MAP3K5: variants seen among roughly 807,000 people sequenced by gnomAD.
MAP3K5 encodes ASK-1.
Under a neutral mutation model 158.7 loss-of-function variants are expected in MAP3K5, and 56 were observed. The observed-to-expected ratio is 0.35, with a 90% CI of 0.28 to 0.44. The LOEUF is 0.44. Ranked by LOEUF, MAP3K5 falls within the 20% of genes least tolerant of loss-of-function variation. The pLI is 1.00. For synonymous variants in MAP3K5, 579 were observed against 601.7 expected (o/e 0.96, Z 0.55); for missense variants, 1,294 against 1,674.8 (o/e 0.77, Z 3.97).
intron 18 of MAP3K5, among the ~76,000 whole-genome samples, chr6:136,607,287 T>G (rs1248108643): frequency 8.5e-5 from 13 of 152,202 alleles, no homozygotes; most frequent in Admixed American, 8.5e-4. Context: ...GATCAAAATT[T>G]GGAAATTTTT....
chr6:136,654,127 T>TGTC (rs1237070652), intron 10 of MAP3K5, among the ~76,000 whole-genome samples: 1 of 152,256 alleles, frequency 6.6e-6, no homozygotes, highest in Non-Finnish European at 1.5e-5. Context: ...GTTAACATGC[T>TGTC]GTCATATTTG....
chr6:136,594,211 C>CATGG (rs1301406772), intron 21 of MAP3K5, among the ~76,000 whole-genome samples: 1 of 152,198 alleles, frequency 6.6e-6, no homozygotes, highest in Non-Finnish European at 1.5e-5. Flanking sequence ...TGGAGCAGCT[C>CATGG]ATGGGCCTAG....
intron 7 of MAP3K5, among the ~76,000 whole-genome samples, chr6:136,671,394 C>G (rs750123828): frequency 6.6e-6 from 1 of 152,130 alleles, no homozygotes; most frequent in Non-Finnish European, 1.5e-5. Flanking sequence ...TTCTTGAGCT[C>G]CCCTCAATCC....
At chr6:136,678,567 T>C (rs1440250762) in intron 7 of MAP3K5, among the ~76,000 whole-genome samples, 1 of 152,132 alleles carries the variant, frequency 6.6e-6, no homozygotes, top group Non-Finnish European at 1.5e-5. Context: ...GAAGCTAAAT[T>C]GGGTAAGACT....
Position 136,791,903 on chromosome 6 carries a change from G to C in MAP3K5, c.255C>G (p.Gly85=). Reference sequence around the variant, plus strand: ...CCACCGTGGTCCGTCGGCTGCCCCCGCCAACAGAGCTGCCCCGGCCTCGGG... The same window carrying C: ...CCACCGTGGTCCGTCGGCTGCCCCCCCCAACAGAGCTGCCCCGGCCTCGGG... The part of the protein sequence containing the change: ...SATRGRGSSV[G]GGSRRTTVAY... Residue 85 remains glycine (G), a synonymous_variant, in exon 1 of 30, where the codon GGC becomes GGG. Coordinates refer to ENST00000359015, the MANE Select transcript of MAP3K5 (RefSeq NM_005923.4). 6.2e-7 allele frequency: 1 copy of C among 1,613,124 alleles called. No individual in the cohort carries two copies. The highest frequency in any genetic ancestry group is 8.5e-7 in the Non-Finnish European group (1 of 1,179,892).
intron 1 of MAP3K5, among the ~76,000 whole-genome samples, chr6:136,774,428 C>T (rs1784331329): frequency 6.6e-6 from 1 of 152,136 alleles, no homozygotes; most frequent in African/African-American, 2.4e-5. Context: ...GCACTCCAGC[C>T]TGGGTGACAG....
intron 26 of MAP3K5, among the ~76,000 whole-genome samples, chr6:136,565,836 G>A (rs201871512): frequency 4.6e-4 from 70 of 152,276 alleles, no homozygotes; most frequent in African/African-American, 1.6e-3. Context: ...TTTTCTGTGG[G>A]TGATGGAAAG....
At chr6:136,664,081 A>G (rs7773600) in intron 8 of MAP3K5, among the ~76,000 whole-genome samples, 42,941 of 151,964 alleles carry the variant, frequency 0.28, 6,873 homozygotes, top group East Asian at 0.49. Flanking sequence ...GTAGCAGGCA[A>G]GTGAGCAAAA....
At chr6:136,721,072 C>G (rs954537550) in intron 1 of MAP3K5, among the ~76,000 whole-genome samples, 74 of 152,220 alleles carry the variant, frequency 4.9e-4, no homozygotes, top group African/African-American at 1.7e-3. Context: ...AGCCACCATG[C>G]CTGGCCCAAA....
At chr6:136,602,978 T>C in intron 19 of MAP3K5, among the ~76,000 whole-genome samples, 1 of 152,318 alleles carries the variant, frequency 6.6e-6, no homozygotes, top group East Asian at 1.9e-4. Flanking sequence ...ATTAATGGTA[T>C]TTTCATTTTT....
chr6:136,701,721 T>C (rs1400825313), intron 3 of MAP3K5, among the ~76,000 whole-genome samples: 2 of 152,094 alleles, frequency 1.3e-5, no homozygotes, highest in Non-Finnish European at 2.9e-5. Context: ...CAAACACTAT[T>C]GTAGACAAGC....
At chr6:136,765,918 T>A (rs1414457661) in intron 1 of MAP3K5, among the ~76,000 whole-genome samples, 1 of 152,114 alleles carries the variant, frequency 6.6e-6, no homozygotes. Context: ...GAGCCAAGAT[T>A]AAACACCACA....
intron 8 of MAP3K5, among the ~76,000 whole-genome samples, chr6:136,667,484 C>T (rs1046068371): frequency 3.9e-5 from 6 of 152,074 alleles, no homozygotes; most frequent in African/African-American, 1.2e-4. Context: ...CCTTGGGAGG[C>T]CCAGGTGGAA....
chr6:136,580,091 G>A (rs964894710), intron 25 of MAP3K5, among the ~76,000 whole-genome samples: 10 of 152,096 alleles, frequency 6.6e-5, no homozygotes, highest in Non-Finnish European at 7.4e-5. Context: ...TTAAAGACAG[G>A]GGAAGCAAGT....
chr6:136,612,615 TAA>T (rs1433803985), intron 17 of MAP3K5, among the ~76,000 whole-genome samples: 1 of 152,228 alleles, frequency 6.6e-6, no homozygotes, highest in Middle Eastern at 3.2e-3. Flanking sequence ...AAAGAGAATG[TAA>T]AGTTATTATT....
At chr6:136,626,166 T>G (rs1003711791) in intron 14 of MAP3K5, among the ~76,000 whole-genome samples, 6 of 152,232 alleles carry the variant, frequency 3.9e-5, no homozygotes, top group Admixed American at 3.9e-4. Flanking sequence ...CCCTACCAGC[T>G]CCAGGTTATT....
chr6:136,771,828 T>G (rs1042750187), intron 1 of MAP3K5, among the ~76,000 whole-genome samples: 17 of 152,210 alleles, frequency 1.1e-4, no homozygotes, highest in African/African-American at 4.1e-4. Flanking sequence ...TTTTAAAATA[T>G]GTTCTTTTTT....
chr6:136,743,247 G>A (rs768955190), intron 1 of MAP3K5, among the ~76,000 whole-genome samples: 3 of 152,112 alleles, frequency 2.0e-5, no homozygotes, highest in African/African-American at 7.2e-5. Context: ...TCACGAAATC[G>A]AGACCATCCT....
Position 136,622,890 on chromosome 6 carries a change from T to C in MAP3K5, c.2108A>G (p.Gln703Arg). 6.2e-7 allele frequency: 1 copy of C among 1,612,956 alleles called. No individual in the cohort carries two copies. The highest frequency in any genetic ancestry group is 8.5e-7 in the Non-Finnish European group (1 of 1,179,334). The change falls in exon 15 of 30, where the codon CAA (glutamine) becomes CGA (arginine). Residue 703 changes from glutamine (Q) to arginine (R), a missense_variant. Transcript: ENST00000359015. ...IVYAGRDLSN[Q>R]VRIAIKEIPE... is the part of the protein sequence containing the mutation. The stretch of plus-strand genomic sequence containing the variant: ...GATTTCCTTAATAGCAATTCTGACT[T>C]GGTTGCTCAAGTCCCGACCTGCGTA...
Sources: gnomAD v4.1 joint callset for allele counts (sites outside exome capture counted in the v4.1 genomes callset) on GRCh38, gnomAD v4.1.1 for gene constraint, MANE v1.5 for transcripts, NCBI Gene and HGNC (gene_info 2026-07-23, HGNC 2026-07-21) for gene names.